The following HDC variants were observed in gnomAD, a reference collection of about 807,000 sequenced individuals.
HDC encodes histidine decarboxylase.
HDC carries 27 observed loss-of-function variants against 64.4 expected under a neutral mutation model. The ratio of observed to expected loss-of-function variants is 0.42; its 90% CI spans 0.31 to 0.58. The LOEUF (loss-of-function observed/expected upper bound fraction) is 0.58, where lower values mean the gene tolerates loss of function less well. Ranked by LOEUF, HDC falls within the 20% of genes least tolerant of loss-of-function variation. The pLI, the probability that HDC is intolerant of heterozygous loss-of-function variation, is 0.16. For missense variants in HDC, 711 were observed against 833.9 expected, an observed-to-expected ratio of 0.85 and a Z score of 1.81; for synonymous variants, 305 against 314.2, an observed-to-expected ratio of 0.97 and a Z score of 0.31.
At chr15:50,259,679 T>A (rs147562683) in intron 2 of HDC, among the ~76,000 whole-genome samples, 4 of 152,266 alleles carry the variant, frequency 2.6e-5, no homozygotes, top group African/African-American at 9.6e-5. Flanking sequence ...AATATTCATT[T>A]CCTCCTCGAA....
chr15:50,250,594 C>A (rs2045541562), intron 9 of HDC, among the ~76,000 whole-genome samples: 1 of 152,090 alleles, frequency 6.6e-6, no homozygotes. Context: ...ACATGAAATT[C>A]AAAAGGGCAA....
At position 50,258,536 on chromosome 15, in the gene HDC, C is replaced by A; in HGVS notation, c.205-19G>T. 6.8e-7 allele frequency: 1 copy of A among 1,470,824 alleles called. No homozygotes were observed. The highest frequency in any genetic ancestry group is 9.5e-7 in the Non-Finnish European group (1 of 1,049,980). 91.1% of individuals were successfully genotyped at this position (1,470,824 alleles called of 1,614,324 possible). On this transcript the variant is annotated intron_variant, in intron 2 of 11. Coordinates refer to ENST00000267845, the MANE Select transcript of HDC (RefSeq NM_002112.4). Reference sequence around the variant, plus strand: ...GTACCACCTGGAGGCAGAGCATGCACAGAGTTGGCACCAGGAGGCATTTCC... The same window carrying A: ...GTACCACCTGGAGGCAGAGCATGCAAAGAGTTGGCACCAGGAGGCATTTCC...
Position 50,265,532 on chromosome 15 carries a change from C to G in HDC, c.31+61G>C, listed in dbSNP as rs74012304. 4,679 of 1,517,346 alleles carry G rather than the reference C, an allele frequency of 3.1e-3. 120 individuals are homozygous for G. The African/African-American group carries it at 0.058, about 19-fold the overall frequency. 94.0% of individuals were successfully genotyped at this position (1,517,346 alleles called of 1,614,324 possible). On this transcript the variant is annotated intron_variant, in intron 1 of 11. Transcript: ENST00000267845. The stretch of plus-strand genomic sequence containing the variant: ...CACCCCAGAATCTAAGGGCCACCCA[C>G]CAGCAGCCGTTCCTGCAGGAGTAGC...
Position 50,242,250 on chromosome 15 carries a change from G to A in HDC, c.*10C>T. Reference sequence around the variant, plus strand: ...AGTATATCCTCAGACTCTGGCTGAAGGCCCTGTGTCTAAACCATGGCCTGC... The same window carrying A: ...AGTATATCCTCAGACTCTGGCTGAAAGCCCTGTGTCTAAACCATGGCCTGC... On this transcript the variant is annotated 3_prime_UTR_variant, in exon 12 of 12. Coordinates refer to ENST00000267845, the MANE Select transcript of HDC (RefSeq NM_002112.4). 6.2e-7 allele frequency: 1 copy of A among 1,611,108 alleles called. No individual in the cohort carries two copies. The highest frequency in any genetic ancestry group is 1.1e-5 in the South Asian group (1 of 91,006).
chr15:50,247,683 T>C (rs1471462717), intron 10 of HDC, among the ~76,000 whole-genome samples: 1 of 152,226 alleles, frequency 6.6e-6, no homozygotes, highest in Non-Finnish European at 1.5e-5. Context: ...CATTTACCTC[T>C]GTGTCCCTTT....
At chr15:50,256,273 G>T (rs1396101700) in intron 4 of HDC, among the ~76,000 whole-genome samples, 1 of 152,342 alleles carries the variant, frequency 6.6e-6, no homozygotes, top group Non-Finnish European at 1.5e-5. Flanking sequence ...GCTGCAATTT[G>T]TCTTTCTTCC....
intron 2 of HDC, 143 bp from the exon 3 acceptor site, chr15:50,258,660 T>A (rs948109405): frequency 7.3e-6 from 5 of 689,322 alleles, no homozygotes; most frequent in African/African-American, 3.5e-5. Flanking sequence ...CATAACTCCA[T>A]GAAAATCAGA....
chr15:50,255,188 C>T (rs1339830058), intron 4 of HDC, among the ~76,000 whole-genome samples: 1 of 152,146 alleles, frequency 6.6e-6, no homozygotes, highest in African/African-American at 2.4e-5. Flanking sequence ...GGAGAGCATC[C>T]CTTTAACTGC....
chr15:50,257,917 C>T (rs1479264680), intron 3 of HDC, among the ~76,000 whole-genome samples: 5 of 143,564 alleles, frequency 3.5e-5, no homozygotes, highest in Admixed American at 1.4e-4. Context: ...CACCCACACA[C>T]CCATAGGAGT....
At chr15:50,258,282 A>G in intron 3 of HDC, 122 bp downstream of exon 3, 2 of 709,978 alleles carry the variant, frequency 2.8e-6, no homozygotes, top group Admixed American at 2.0e-5. Flanking sequence ...CTTAAAGAAT[A>G]TAGCCCTCAT....
At chr15:50,257,577 A>C (rs757850217) in intron 3 of HDC, 30 bp from the exon 4 acceptor site, 1 of 1,613,372 alleles carries the variant, frequency 6.2e-7, no homozygotes, top group Non-Finnish European at 8.5e-7. Flanking sequence ...TTCAAACTGC[A>C]CAGCCCCAGG....
intron 2 of HDC, among the ~76,000 whole-genome samples, chr15:50,259,940 T>G (rs939565892): frequency 1.3e-5 from 2 of 152,094 alleles, no homozygotes; most frequent in African/African-American, 2.4e-5. Flanking sequence ...CCTAACCAGC[T>G]GTGTGACCGT....
intron 10 of HDC, among the ~76,000 whole-genome samples, chr15:50,243,891 G>A (rs759886578): frequency 2.0e-5 from 3 of 152,152 alleles, no homozygotes; most frequent in Admixed American, 6.5e-5. Flanking sequence ...GTTTCTGCTC[G>A]GGATGATGAA....
intron 5 of HDC, 58 bp from the exon 6 acceptor site, chr15:50,254,331 G>C (rs2045597913): frequency 1.2e-6 from 2 of 1,602,668 alleles, no homozygotes; most frequent in South Asian, 2.2e-5. Flanking sequence ...TCACCCCCCA[G>C]AAACTGCTGA....
intron 2 of HDC, among the ~76,000 whole-genome samples, chr15:50,258,725 C>T (rs2045664563): frequency 6.6e-6 from 1 of 152,210 alleles, no homozygotes; most frequent in Non-Finnish European, 1.5e-5. Context: ...GCTAGATCAT[C>T]AGTGGAGCCT....
intron 2 of HDC, among the ~76,000 whole-genome samples, chr15:50,259,386 G>A (rs1168245945): frequency 6.6e-5 from 10 of 152,114 alleles, no homozygotes; most frequent in Non-Finnish European, 8.8e-5. Context: ...CAGACCAAGC[G>A]TATGGGAGGC....
rs2045584681 is a variant in HDC at position 50,253,455 on chromosome 15, ATGACC to A, written c.787+140_787+144del. The A allele has an allele frequency of 2.3e-5, 18 of 787,806 alleles. No homozygotes were observed. The South Asian group carries it at 2.5e-4, about 11-fold the overall frequency. 48.8% of individuals were successfully genotyped at this position (787,806 alleles called of 1,614,324 possible). ...CCAGGGATCCCTGGAAGAGACCCTC[ATGACC>A]TTTGGTGGTTCTTCCCATGTCTCTG... On this transcript the variant is annotated intron_variant, in intron 7 of 11. Transcript: ENST00000267845.
chr15:50,257,280 G>T, intron 4 of HDC, 145 bp downstream of exon 4: 1 of 954,964 alleles, frequency 1.0e-6, no homozygotes, highest in Non-Finnish European at 1.7e-6. Context: ...AGAGGTGGAA[G>T]CTGTGATGAT....
At chr15:50,257,862 CA>C (rs942347387) in intron 3 of HDC, among the ~76,000 whole-genome samples, 3 of 152,212 alleles carry the variant, frequency 2.0e-5, no homozygotes, top group African/African-American at 7.2e-5. Flanking sequence ...CTCAAATGCC[CA>C]GGGGGATGTT....
Sources: gnomAD v4.1 joint callset for allele counts (sites outside exome capture counted in the v4.1 genomes callset) on GRCh38, gnomAD v4.1.1 for gene constraint, MANE v1.5 for transcripts, NCBI Gene and HGNC (gene_info 2026-07-23, HGNC 2026-07-21) for gene names.